Variants in LRRC37B observed in about 807,000 individuals in gnomAD.
LRRC37B encodes the protein leucine rich repeat containing 37B.
In LRRC37B, 28 loss-of-function variants were observed where a neutral mutation model predicts 98.3. The observed-to-expected ratio is 0.28, with a 90% CI of 0.21 to 0.39. The LOEUF (loss-of-function observed/expected upper bound fraction) is 0.39. Among genes scored for constraint, LRRC37B ranks in the 10% least tolerant of loss-of-function variants. LRRC37B has a pLI of 1.00. For missense variants in LRRC37B, 938 were observed against 1,182.7 expected, an observed-to-expected ratio of 0.79 and a Z score of 3.03; for synonymous variants, 364 against 442.7, an observed-to-expected ratio of 0.82 and a Z score of 2.23.
intron 8 of LRRC37B, among the ~76,000 whole-genome samples, chr17:32,046,216 G>A (rs1182533356): frequency 6.6e-6 from 1 of 152,246 alleles, no homozygotes; most frequent in Non-Finnish European, 1.5e-5. Flanking sequence ...TAGGACAGAT[G>A]TAGATCCGGT....
upstream of LRRC37B, among the ~76,000 whole-genome samples, chr17:32,020,471 G>A (rs1315949826): frequency 6.6e-6 from 1 of 152,064 alleles, no homozygotes; most frequent in Non-Finnish European, 1.5e-5. Flanking sequence ...GGTGCAAAGG[G>A]CTGTTCCCTC....
At chr17:32,019,324 T>G (rs559858957), upstream of LRRC37B, among the ~76,000 whole-genome samples, 48 of 152,336 alleles carry the variant, frequency 3.2e-4, 1 homozygote, top group South Asian at 9.9e-3. Context: ...TAATATTCAG[T>G]ACAGTAACAT....
At chr17:32,020,762 C>A, upstream of LRRC37B, 1 of 495,126 alleles carries the variant, frequency 2.0e-6, no homozygotes, top group Non-Finnish European at 3.2e-6. Context: ...AGAATTCAGG[C>A]TGCCAGAACT....
At chr17:32,051,973 CTAGT>C (rs1911773005) in intron 11 of LRRC37B, 2 of 151,098 alleles carry the variant, frequency 1.3e-5, no homozygotes, top group East Asian at 1.9e-4. Context: ...CTTCCATTTT[CTAGT>C]TAGTTATTGG....
intron 1 of LRRC37B, among the ~76,000 whole-genome samples, chr17:32,010,269 A>G (rs1222726058): frequency 6.6e-6 from 1 of 152,248 alleles, no homozygotes; most frequent in Non-Finnish European, 1.5e-5. Context: ...GCAGTCGTAG[A>G]CAATATGTAA....
At chr17:32,048,350 C>T (rs1269996705) in intron 9 of LRRC37B, among the ~76,000 whole-genome samples, 2 of 148,720 alleles carry the variant, frequency 1.3e-5, no homozygotes, top group Non-Finnish European at 3.0e-5. Context: ...GGGTCCAGCC[C>T]CAAGGGAGCT....
chr17:32,039,506 ATATATATATATATATATGTATGTATTTT>A (rs1567617757), intron 7 of LRRC37B, among the ~76,000 whole-genome samples: 2 of 50,896 alleles, frequency 3.9e-5, no homozygotes, highest in African/African-American at 2.1e-4. Context: ...ATATATATAT[ATATATATATATATATATGTATGTATTTT>A]TATATATATT....
At chr17:32,035,740 A>G in intron 7 of LRRC37B, 101 bp downstream of exon 10, 2 of 1,248,424 alleles carry the variant, frequency 1.6e-6, no homozygotes, top group Non-Finnish European at 2.3e-6. Flanking sequence ...TTTTCATATA[A>G]CATTCACCCT....
intron 8 of LRRC37B, chr17:32,047,066 A>G (rs1911605813): frequency 6.5e-6 from 1 of 153,744 alleles, no homozygotes; most frequent in African/African-American, 2.4e-5. Flanking sequence ...AATCTGGCAA[A>G]TTAAAAATCT....
Position 32,022,915 on chromosome 17 carries a change from C to A in LRRC37B, c.1760+90C>A, listed in dbSNP as rs1255044643. 2.4e-6 allele frequency: 3 copies of A among 1,240,514 alleles called. No individual in the cohort carries two copies. The African/African-American group carries it at 4.5e-5, about 19-fold the overall frequency. 76.8% of individuals were successfully genotyped at this position (1,240,514 alleles called of 1,614,324 possible). On this transcript the variant is annotated intron_variant, in intron 1 of 11. Coordinates refer to ENST00000327564, the Ensembl canonical transcript of LRRC37B. Reference sequence around the variant, plus strand: ...GCCTTCCTGGGCCTTCTTTATCTCCCCAAGCCATACTGACAAGTGACTTTC... The same window carrying A: ...GCCTTCCTGGGCCTTCTTTATCTCCACAAGCCATACTGACAAGTGACTTTC...
chr17:32,044,494 A>G (rs868815613), intron 7 of LRRC37B, among the ~76,000 whole-genome samples: 1 of 152,226 alleles, frequency 6.6e-6, no homozygotes, highest in Non-Finnish European at 1.5e-5. Context: ...AGAATACTGC[A>G]TAGGTGACGT....
upstream of LRRC37B, chr17:32,007,892 C>A: frequency 1.1e-6 from 1 of 946,930 alleles, no homozygotes; most frequent in Non-Finnish European, 1.3e-6. This position sits in a 1 kb window ranked among gnomAD's most constrained non-coding sequence, Gnocchi z 4.1. Context: ...CGGGGGCAGC[C>A]ACCTAGCCCG....
At chr17:32,035,144 A>C (rs1911212205) in intron 6 of LRRC37B, among the ~76,000 whole-genome samples, 163 bp downstream of exon 9, 1 of 152,192 alleles carries the variant, frequency 6.6e-6, no homozygotes, top group African/African-American at 2.4e-5. Flanking sequence ...GAAAGGATGT[A>C]TAATGGTCAA....
At chr17:32,044,490 C>G (rs1296760154) in intron 7 of LRRC37B, among the ~76,000 whole-genome samples, 1 of 152,190 alleles carries the variant, frequency 6.6e-6, no homozygotes, top group East Asian at 1.9e-4. Context: ...GGGAAGAATA[C>G]TGCATAGGTG....
At chr17:32,026,870 A>C (rs1421503864) in intron 2 of LRRC37B, among the ~76,000 whole-genome samples, 1 of 152,218 alleles carries the variant, frequency 6.6e-6, no homozygotes, top group Non-Finnish European at 1.5e-5. Context: ...AACAATGTTT[A>C]CATGGGTATC....
chr17:32,027,412 A>AGTGT (rs1173655301), intron 2 of LRRC37B, among the ~76,000 whole-genome samples: 1 of 90,004 alleles, frequency 1.1e-5, no homozygotes, highest in Non-Finnish European at 2.3e-5. Flanking sequence ...TGTGCTTGCA[A>AGTGT]GTGTGTGTGC....
intron 7 of LRRC37B, among the ~76,000 whole-genome samples, chr17:32,044,035 C>A (rs1332372466): frequency 6.6e-6 from 1 of 151,314 alleles, no homozygotes; most frequent in Non-Finnish European, 1.5e-5. Flanking sequence ...AGAGATTAAG[C>A]AATTTGCCCA....
At chr17:32,041,686 TTGGGTGGGAGGCTTATC>T in intron 7 of LRRC37B, 1 of 458,650 alleles carries the variant, frequency 2.2e-6, no homozygotes, top group Non-Finnish European at 4.4e-6. Flanking sequence ...GGAGCCACAC[TTGGGTGGGAGGCTTATC>T]TGGGTGGGTG....
chr17:32,043,241 A>G (rs1400153998), intron 7 of LRRC37B, among the ~76,000 whole-genome samples: 2 of 152,252 alleles, frequency 1.3e-5, no homozygotes, highest in Non-Finnish European at 2.9e-5. Flanking sequence ...GAAAAAAAGA[A>G]AATGTTTAAA....
Sources: gnomAD v4.1 joint callset for allele counts (sites outside exome capture counted in the v4.1 genomes callset) on GRCh38, gnomAD v4.1.1 for gene constraint, Gnocchi (gnomAD v3.1) non-coding constraint, MANE v1.5 for transcripts, NCBI Gene and HGNC (gene_info 2026-07-23, HGNC 2026-07-21) for gene names.